Variants in NQO2 observed in about 807,000 individuals in gnomAD.
NQO2 encodes N-ribosyldihydronicotinamide:quinone dehydrogenase 2.
Under a neutral mutation model 22.0 loss-of-function variants are expected in NQO2, and 18 were observed. That is an observed-to-expected ratio of 0.82 (90% confidence interval 0.56 to 1.21). NQO2 has a LOEUF of 1.21. NQO2 is among the 50% of genes most tolerant of loss of function. NQO2 has a pLI of 0.00. For missense variants in NQO2, 267 were observed against 286.9 expected, an observed-to-expected ratio of 0.93 and a Z score of 0.50; for synonymous variants, 106 against 110.8, an observed-to-expected ratio of 0.96 and a Z score of 0.28.
In NQO2 at chr6:3,003,827, G is replaced by C. The variant is rs1404616845; in HGVS notation, c.-85-2641G>C. The C allele has an allele frequency of 7.6e-6, 7 of 923,242 alleles. 1 individual carries two copies. The African/African-American group carries it at 1.4e-4, about 18-fold the overall frequency. 57.2% of individuals were successfully genotyped at this position (923,242 alleles called of 1,614,324 possible). On this transcript the variant is annotated intron_variant, in intron 1 of 6. Coordinates refer to ENST00000380455, the MANE Select transcript of NQO2 (RefSeq NM_000904.6). ...AAAGCCTGTGCCTGGAGCACTTTCA[G>C]ACAGACAGTGCATGGCCCTCGCTAC...
intron 6 of NQO2, among the ~76,000 whole-genome samples, chr6:3,018,978 T>A (rs1757436337): frequency 6.6e-6 from 1 of 151,748 alleles, no homozygotes; most frequent in Admixed American, 6.6e-5. Flanking sequence ...TTAGGGCCTA[T>A]ATATTTTCTC....
rs753524795 is a variant in NQO2, at chr6:3,019,502, A to T, written c.543A>T (p.Gly181=). Reference sequence around the variant, plus strand: ...AGCATGGCACATTACACTTCTGTGGATTTAAAGTCCTTGCCCCTCAGATCA... The same window carrying T: ...AGCATGGCACATTACACTTCTGTGGTTTTAAAGTCCTTGCCCCTCAGATCA... ...PLQHGTLHFC[G]FKVLAPQISF... The change falls in exon 7 of 7, where the codon GGA becomes GGT. Residue 181 remains glycine (G), a synonymous_variant. Coordinates refer to ENST00000380455, the MANE Select transcript of NQO2 (RefSeq NM_000904.6). 2.5e-6 allele frequency: 4 copies of T among 1,613,848 alleles called. No homozygotes were observed. The East Asian group carries it at 6.7e-5, about 27-fold the overall frequency.
chr6:3,018,104 T>G (rs1196277736), intron 6 of NQO2, among the ~76,000 whole-genome samples: 1 of 152,222 alleles, frequency 6.6e-6, no homozygotes, highest in East Asian at 1.9e-4. Flanking sequence ...AAAAGTTCTT[T>G]TGATTGGTGA....
chr6:3,005,128 G>A (rs1756900100), intron 1 of NQO2, among the ~76,000 whole-genome samples: 1 of 152,110 alleles, frequency 6.6e-6, no homozygotes, highest in Non-Finnish European at 1.5e-5. Flanking sequence ...AGAATTTTCT[G>A]GCTGTTTTCA....
rs567451860 is a variant in NQO2 at position 3,019,587 on chromosome 6, C to T, written c.628C>T (p.Gln210Ter). 2.5e-5 allele frequency: 40 copies of T among 1,614,016 alleles called. No individual in the cohort carries two copies. Among genetic ancestry groups the T allele is most frequent in the Non-Finnish European group, 3.1e-5 (36 of 1,180,038 alleles). ...ERKGMVAAWS[Q>*]RLQTIWKEEP... The stretch of plus-strand genomic sequence containing the variant: ...AAAGGGGATGGTGGCTGCGTGGTCC[C>T]AGAGGCTGCAGACCATCTGGAAGGA... Residue 210 changes from glutamine (Q) to a stop codon, truncating the protein, a stop_gained, in exon 7 of 7, where the codon CAG becomes TAG. Transcript: ENST00000380455. LOFTEE classifies it high-confidence loss of function.
At chr6:3,016,367 G>T (rs560100766) in intron 5 of NQO2, among the ~76,000 whole-genome samples, 1 of 149,694 alleles carries the variant, frequency 6.7e-6, no homozygotes, top group African/African-American at 2.5e-5. Context: ...GGAGGTGGAG[G>T]TTGCAGTGAG....
intron 2 of NQO2, among the ~76,000 whole-genome samples, chr6:3,008,521 G>A (rs534317492): frequency 3.9e-4 from 59 of 152,296 alleles, no homozygotes; most frequent in Admixed American, 2.4e-3. Flanking sequence ...AGGCCAAGGC[G>A]GGTGGATCAC....
chr6:3,017,175 A>AT (rs1757359203), intron 6 of NQO2, among the ~76,000 whole-genome samples, 190 bp downstream of exon 6: 2 of 152,124 alleles, frequency 1.3e-5, no homozygotes, highest in Non-Finnish European at 2.9e-5. Context: ...AAATTATAAC[A>AT]TTTTGCCCCT....
At chr6:3,005,956 C>T in intron 1 of NQO2, 1 of 277,776 alleles carries the variant, frequency 3.6e-6, no homozygotes, top group Non-Finnish European at 5.5e-6. Flanking sequence ...GCCTCCGCTG[C>T]ATCCCTGGAG....
At chr6:3,015,801 A>C (rs1282864587) in intron 5 of NQO2, among the ~76,000 whole-genome samples, 158 bp downstream of exon 5, 1 of 152,236 alleles carries the variant, frequency 6.6e-6, no homozygotes, top group Non-Finnish European at 1.5e-5. Context: ...ACACGGGTGG[A>C]CACAGCATCG....
chr6:3,013,705 C>T (rs959908410), intron 4 of NQO2, among the ~76,000 whole-genome samples: 4 of 152,126 alleles, frequency 2.6e-5, no homozygotes, highest in Non-Finnish European at 4.4e-5. Flanking sequence ...GGCCACTTCC[C>T]GCCACTGCAA....
At chr6:3,009,541 A>G (rs1289369213) in intron 2 of NQO2, among the ~76,000 whole-genome samples, 1 of 152,242 alleles carries the variant, frequency 6.6e-6, no homozygotes, top group Admixed American at 6.5e-5. Context: ...TCACATGGGT[A>G]TTGATTGGGG....
intron 1 of NQO2, chr6:3,004,543 T>G (rs553105524): frequency 2.4e-4 from 232 of 985,424 alleles, no homozygotes; most frequent in African/African-American, 1.8e-3. Flanking sequence ...CCTCACTTCT[T>G]GCAGTATTCT....
chr6:3,012,896 TTCA>T (rs1322175152), intron 4 of NQO2, among the ~76,000 whole-genome samples: 1 of 150,896 alleles, frequency 6.6e-6, no homozygotes, highest in Non-Finnish European at 1.5e-5. Context: ...GTTACAACAC[TTCA>T]TCTAGTTACA....
chr6:3,001,333 C>T (rs947059351), intron 1 of NQO2, among the ~76,000 whole-genome samples: 3 of 152,074 alleles, frequency 2.0e-5, no homozygotes, highest in African/African-American at 4.8e-5. Flanking sequence ...TCAGGTGATC[C>T]GCCTGCCTCG....
At chr6:3,011,973 C>T (rs1757149981) in intron 3 of NQO2, among the ~76,000 whole-genome samples, 1 of 152,120 alleles carries the variant, frequency 6.6e-6, no homozygotes, top group Non-Finnish European at 1.5e-5. Context: ...AAAAAGAAAA[C>T]ATTTGAAGAT....
At chr6:3,012,786 G>T (rs1450135812) in intron 4 of NQO2, 112 bp downstream of exon 4, 1 of 1,081,262 alleles carries the variant, frequency 9.2e-7, no homozygotes, top group Non-Finnish European at 1.3e-6. Context: ...TTTGAGCACA[G>T]TTGCACACTT....
In NQO2 at chr6:3,012,671, T is replaced by A; in HGVS notation, c.300T>A (p.Phe100Leu). 1 of 1,612,476 alleles carries A rather than the reference T, an allele frequency of 6.2e-7. No individual in the cohort carries two copies. Among genetic ancestry groups the A allele is most frequent in the Non-Finnish European group, 8.5e-7 (1 of 1,179,412 alleles). ...TTCGGGAGGCTGACCTAGTGATATT[T>A]CAGGTTTGTTTTTCTCTAATTAATA... ...KKVREADLVI[F>L]QFPLYWFSVP... Residue 100 changes from phenylalanine to leucine, a missense_variant, in exon 4 of 7, where the codon TTT becomes TTA. Transcript: ENST00000380455.
intron 5 of NQO2, 129 bp from the exon 6 acceptor site, chr6:3,016,755 T>C: frequency 6.8e-7 from 1 of 1,478,060 alleles, no homozygotes; most frequent in Non-Finnish European, 9.0e-7. Flanking sequence ...GTGTTGCATT[T>C]GTCCATCCCT....
Sources: gnomAD v4.1 joint callset for allele counts (sites outside exome capture counted in the v4.1 genomes callset) on GRCh38, gnomAD v4.1.1 for gene constraint, MANE v1.5 for transcripts, NCBI Gene and HGNC (gene_info 2026-07-23, HGNC 2026-07-21) for gene names.